Variants in WAPL observed in about 807,000 individuals in gnomAD.
WAPL encodes the protein wings apart-like protein homolog.
In WAPL, 5 loss-of-function variants were observed where a neutral mutation model predicts 121.0. The ratio of observed to expected loss-of-function variants is 0.04; its 90% CI spans 0.02 to 0.09. The LOEUF (loss-of-function observed/expected upper bound fraction) is 0.09, where lower values mean the gene tolerates loss of function less well. WAPL is among the 10% of genes least tolerant of loss of function. The pLI is 1.00. For synonymous variants in WAPL, 480 were observed against 481.5 expected (o/e 1.00, Z 0.04); for missense variants, 999 against 1,410.8 (o/e 0.71, Z 4.68).
chr10:86,500,809 T>C, intron 2 of WAPL, 66 bp from the exon 3 acceptor site: 4 of 1,284,660 alleles, frequency 3.1e-6, no homozygotes, highest in Middle Eastern at 2.3e-4. Flanking sequence ...AAATAACATA[T>C]ATGTGGTTAA....
At chr10:86,512,947 T>G (rs1842493250) in intron 2 of WAPL, among the ~76,000 whole-genome samples, 3 of 152,188 alleles carry the variant, frequency 2.0e-5, no homozygotes. Context: ...AACACAACCC[T>G]TCCCTGCAGT....
At chr10:86,477,987 G>A (rs1232956170) in intron 4 of WAPL, among the ~76,000 whole-genome samples, 4 of 151,290 alleles carry the variant, frequency 2.6e-5, no homozygotes, top group Admixed American at 6.6e-5. Flanking sequence ...CCCGGGAGGC[G>A]GAGGTTGCAG....
chr10:86,478,279 A>T (rs2132199471), intron 4 of WAPL, among the ~76,000 whole-genome samples: 1 of 152,088 alleles, frequency 6.6e-6, no homozygotes, highest in Admixed American at 6.5e-5. Context: ...AAATACAAAA[A>T]TTAGCTGGGA....
intron 2 of WAPL, among the ~76,000 whole-genome samples, chr10:86,516,814 G>A (rs927540921): frequency 7.9e-5 from 12 of 152,002 alleles, no homozygotes; most frequent in South Asian, 2.1e-4. Context: ...AGCCGGGCAC[G>A]GTGGCTCATG....
intron 8 of WAPL, among the ~76,000 whole-genome samples, chr10:86,469,975 T>C (rs1014141209): frequency 1.3e-5 from 2 of 152,080 alleles, no homozygotes; most frequent in Non-Finnish European, 2.9e-5. Flanking sequence ...GATCCTCCCT[T>C]AGTCTCCAGA....
At chr10:86,452,832 G>T (rs1030823284) in intron 14 of WAPL, among the ~76,000 whole-genome samples, 4 of 151,716 alleles carry the variant, frequency 2.6e-5, no homozygotes, top group Non-Finnish European at 4.4e-5. Context: ...TTGAGGCCAG[G>T]AGTTTGAAAC....
intron 4 of WAPL, among the ~76,000 whole-genome samples, chr10:86,477,589 G>A (rs1841687731): frequency 6.6e-6 from 1 of 152,114 alleles, no homozygotes; most frequent in Non-Finnish European, 1.5e-5. Context: ...GATCACCTGA[G>A]GTCAGGAGTT....
chr10:86,437,464 G>T lies in WAPL; in HGVS notation c.*79C>A. The stretch of plus-strand genomic sequence containing the variant: ...TGAATGTTCTTGGTATATCTTCAAG[G>T]ACTTCTTTCATGACTTGACTTTTCT... On this transcript the variant is annotated 3_prime_UTR_variant, in exon 19 of 19. Transcript: ENST00000298767. 6.9e-7 allele frequency: 1 copy of T among 1,447,298 alleles called. No homozygotes were observed. The highest frequency in any genetic ancestry group is 1.2e-5 in the South Asian group (1 of 80,820). 89.7% of individuals were successfully genotyped at this position (1,447,298 alleles called of 1,614,324 possible).
intron 2 of WAPL, among the ~76,000 whole-genome samples, chr10:86,506,449 C>G (rs1248543733): frequency 6.6e-6 from 1 of 152,170 alleles, no homozygotes; most frequent in Non-Finnish European, 1.5e-5. Flanking sequence ...AAAGAAATCA[C>G]TATGACATCT....
chr10:86,472,586 A>T lies in WAPL; in HGVS notation c.1893+26T>A, dbSNP rs770802872. 2 of 1,603,990 alleles carry T rather than the reference A, an allele frequency of 1.2e-6. No individual in the cohort carries two copies. The highest frequency in any genetic ancestry group is 2.2e-5 in the South Asian group (2 of 89,530). ...TACATACAAAAATCTATCAACATGCAGTAAACACTGTATATGGCTGCTTAC... is the reference window on the plus strand; with the variant it reads ...TACATACAAAAATCTATCAACATGCTGTAAACACTGTATATGGCTGCTTAC... On this transcript the variant is annotated intron_variant, in intron 6 of 18. Coordinates refer to ENST00000298767, the MANE Select transcript of WAPL (RefSeq NM_015045.5). This position sits in a 1 kb window ranked among gnomAD's most constrained non-coding sequence, Gnocchi z 4.2.
chr10:86,451,162 A>C (rs925546807), intron 15 of WAPL, among the ~76,000 whole-genome samples: 6 of 151,848 alleles, frequency 4.0e-5, no homozygotes, highest in Non-Finnish European at 7.4e-5. Context: ...GCTGGTCTTG[A>C]ACTCCTGGAC....
intron 2 of WAPL, among the ~76,000 whole-genome samples, chr10:86,513,680 C>T (rs1842507618): frequency 6.6e-6 from 1 of 152,200 alleles, no homozygotes; most frequent in Non-Finnish European, 1.5e-5. Context: ...TCAAAAAAAT[C>T]AACCACATAC....
chr10:86,476,019 C>T (rs1841642969), intron 4 of WAPL, among the ~76,000 whole-genome samples: 2 of 152,144 alleles, frequency 1.3e-5, no homozygotes, highest in Non-Finnish European at 1.5e-5. Context: ...CCTGTCTCTA[C>T]AAAAAATAAA....
chr10:86,509,508 A>G (rs1302917144), intron 2 of WAPL, among the ~76,000 whole-genome samples: 2 of 152,134 alleles, frequency 1.3e-5, no homozygotes, highest in Non-Finnish European at 2.9e-5. Context: ...GCACCACTCT[A>G]TATATTTTTT....
Position 86,517,616 on chromosome 10 carries a change from C to T in WAPL, c.454G>A (p.Glu152Lys). ...GKEKSTNRIVEDDASISSCNK... is the reference protein window; with the variant it reads ...GKEKSTNRIVKDDASISSCNK... Reference sequence around the variant, plus strand: ...CAGCTACTTATGCTTGCATCATCTTCTACAATTCGGTTTGTGCTCTTTTCT... The same window carrying T: ...CAGCTACTTATGCTTGCATCATCTTTTACAATTCGGTTTGTGCTCTTTTCT... Residue 152 changes from glutamate to lysine, a missense_variant, in exon 2 of 19, where the codon GAA becomes AAA. Coordinates refer to ENST00000298767, the MANE Select transcript of WAPL (RefSeq NM_015045.5). 2 of 1,613,948 alleles carry T rather than the reference C, an allele frequency of 1.2e-6. No individual in the cohort carries two copies. The highest frequency in any genetic ancestry group is 1.7e-6 in the Non-Finnish European group (2 of 1,179,980).
chr10:86,477,802 G>A (rs927121287), intron 4 of WAPL, among the ~76,000 whole-genome samples: 5 of 151,726 alleles, frequency 3.3e-5, no homozygotes, highest in South Asian at 4.2e-4. Flanking sequence ...GATACAGGCC[G>A]GGTGCAGTGG....
rs747937318 is a variant in WAPL at position 86,443,307 on chromosome 10, G to A, written c.3379C>T (p.Leu1127=). 1.9e-6 allele frequency: 3 copies of A among 1,614,006 alleles called. No individual in the cohort carries two copies. The highest frequency in any genetic ancestry group is 2.2e-5 in the East Asian group (1 of 44,878). The change falls in exon 17 of 19, where the codon CTA becomes TTA. Residue 1127 remains leucine, a synonymous_variant. Coordinates refer to ENST00000298767, the MANE Select transcript of WAPL (RefSeq NM_015045.5). ...TCCTGGCAGAGACACCCAAGAAGTAGTGCTGTGTAGGAGGCCACAATGCAA... is the reference window on the plus strand; with the variant it reads ...TCCTGGCAGAGACACCCAAGAAGTAATGCTGTGTAGGAGGCCACAATGCAA... The part of the protein sequence containing the change: ...EDCIVASYTA[L]LLGCLCQESP...
At chr10:86,461,025 A>T in intron 10 of WAPL, 151 bp downstream of exon 10, 1 of 679,944 alleles carries the variant, frequency 1.5e-6, no homozygotes, top group Non-Finnish European at 2.3e-6. Context: ...CCTCTTCTTT[A>T]AATGTTAGAA....
intron 4 of WAPL, among the ~76,000 whole-genome samples, chr10:86,489,616 G>A (rs1842001098): frequency 1.3e-5 from 2 of 152,154 alleles, no homozygotes; most frequent in Non-Finnish European, 2.9e-5. Context: ...GACAACTAAT[G>A]GAAAGAGGCC....
Sources: gnomAD v4.1 joint callset for allele counts (sites outside exome capture counted in the v4.1 genomes callset) on GRCh38, gnomAD v4.1.1 for gene constraint, Gnocchi (gnomAD v3.1) non-coding constraint, MANE v1.5 for transcripts, NCBI Gene and HGNC (gene_info 2026-07-23, HGNC 2026-07-21) for gene names.